Variants in GSTM1 observed in about 807,000 individuals in gnomAD.
GSTM1 encodes glutathione S-transferase mu 1, also known as GST HB subunit 4.
Under a neutral mutation model 17.3 loss-of-function variants are expected in GSTM1, and 6 were observed. The observed-to-expected ratio is 0.35, with a 90% confidence interval of 0.19 to 0.68. The LOEUF is 0.68. GSTM1 is among the 30% of genes least tolerant of loss of function. GSTM1 has a pLI of 0.65. For synonymous variants in GSTM1, 20 were observed against 53.6 expected (o/e 0.37, Z 2.74); for missense variants, 62 against 155.9 (o/e 0.40, Z 3.21).
rs1648133469 is a variant in GSTM1, at chr1:109,692,915, G to A, written c.568-291G>A. Among the ~76,000 whole-genome samples the A allele has an allele frequency of 2.5e-5, 2 of 81,624 alleles. 1 individual carries two copies. Among genetic ancestry groups the A allele is most frequent in the Admixed American group, 2.6e-4 (2 of 7,654 alleles). The allele number at this position is 81,624 out of a possible 152,430, so 53.5% of individuals were successfully genotyped here. ...ATAGATTCAGCCTTGCAGAGCAGTC[G>A]AGTGGGTTTTCTAAGCTTACGTTGT... is the stretch of plus-strand genomic sequence containing the variant. On this transcript the variant is annotated intron_variant, in intron 7 of 7. Transcript: ENST00000309851.
chr1:109,688,031 A>C, intron 1 of GSTM1, 122 bp downstream of exon 1: 1 of 741,118 alleles, frequency 1.3e-6, no homozygotes, highest in Middle Eastern at 4.4e-4. Flanking sequence ...GGGCCTGTGC[A>C]TGCCGCTGTG....
chr1:109,689,704 C>T (rs1290491892), intron 5 of GSTM1, among the ~76,000 whole-genome samples: 1 of 78,590 alleles, frequency 1.3e-5, no homozygotes, highest in Non-Finnish European at 3.2e-5. Flanking sequence ...ATGGCACCCT[C>T]GAATTGCATC....
intron 7 of GSTM1, among the ~76,000 whole-genome samples, chr1:109,691,222 ATTCTTTTTTTTTTTT>A (rs1451598672): frequency 2.7e-5 from 1 of 37,224 alleles, no homozygotes; most frequent in African/African-American, 7.8e-5. Flanking sequence ...CTCCACCTCT[ATTCTTTTTTTTTTTT>A]TTTTTTTTTT....
In GSTM1 at chr1:109,690,333, T is replaced by A. The variant is rs778632616; in HGVS notation, c.423T>A (p.Phe141Leu). ...LPEKLKLYSEFLGKRPWFAGN... is the reference protein window; with the variant it reads ...LPEKLKLYSELLGKRPWFAGN... ...AAAAGCTAAAGCTCTACTCAGAGTTTCTGGGGAAGCGGCCATGGTTTGCAG... is the reference window on the plus strand; with the variant it reads ...AAAAGCTAAAGCTCTACTCAGAGTTACTGGGGAAGCGGCCATGGTTTGCAG... The change falls in exon 6 of 8, where the codon TTT becomes TTA. Residue 141 changes from phenylalanine to leucine, a missense_variant. Coordinates refer to ENST00000309851, the MANE Select transcript of GSTM1 (RefSeq NM_000561.4). 3.8e-6 allele frequency: 3 copies of A among 797,800 alleles called. 1 individual carries two copies. The South Asian group carries it at 5.5e-5, about 15-fold the overall frequency. The allele number at this position is 797,800 out of a possible 1,614,324, so 49.4% of individuals were successfully genotyped here.
chr1:109,688,997 C>G, intron 3 of GSTM1, 51 bp from the exon 4 acceptor site: 1 of 735,718 alleles, frequency 1.4e-6, no homozygotes, highest in African/African-American at 1.9e-5. Flanking sequence ...GAAGGGGATG[C>G]TGGGGAGCCT....
Position 109,687,830 on chromosome 1 carries a change from TG to T in GSTM1, c.-43del. ...TCCGGAGCTCTTATACTCTGAGCCC[TG>T]CTCGGTTTAGGCCTGTCTGCGGAAT... is the stretch of plus-strand genomic sequence containing the variant. On this transcript the variant is annotated 5_prime_UTR_variant, in exon 1 of 8. Coordinates refer to ENST00000309851, the MANE Select transcript of GSTM1 (RefSeq NM_000561.4). 1 of 721,108 alleles carries T rather than the reference TG, an allele frequency of 1.4e-6. No homozygotes were observed. The highest frequency in any genetic ancestry group is 1.9e-5 in the African/African-American group (1 of 52,088). The allele number at this position is 721,108 out of a possible 1,614,324, so 44.7% of individuals were successfully genotyped here.
Position 109,687,884 on chromosome 1 carries a change from T to C in GSTM1, c.11T>C (p.Ile4Thr), listed in dbSNP as rs756993138. Residue 4 changes from isoleucine to threonine, a missense_variant, in exon 1 of 8, where the codon ATA (isoleucine) becomes ACA (threonine). Physicochemically the swap from Ile to Thr is moderately conservative, Grantham distance 89. Transcript: ENST00000309851. MPM[I>T]LGYWDIRGLA... The stretch of plus-strand genomic sequence containing the variant: ...GCACCAACCAGCACCATGCCCATGA[T>C]ACTGGGGTACTGGGACATCCGCGGG... 19 of 793,706 alleles carry C rather than the reference T, an allele frequency of 2.4e-5. 4 individuals are homozygous for C. The African/African-American group carries it at 3.4e-4, about 14-fold the overall frequency. 49.2% of individuals were successfully genotyped at this position (793,706 alleles called of 1,614,324 possible).
rs1249584322 is a variant in GSTM1 at position 109,689,288 on chromosome 1, A to G, written c.323A>G (p.His108Arg). ...DILENQTMDN[H>R]MQLGMICYNP... Reference sequence around the variant, plus strand: ...TTGGAGAACCAGACCATGGACAACCATATGCAGCTGGGCATGATCTGCTAC... The same window carrying G: ...TTGGAGAACCAGACCATGGACAACCGTATGCAGCTGGGCATGATCTGCTAC... The change falls in exon 5 of 8, where the codon CAT (histidine) becomes CGT (arginine). Residue 108 changes from histidine to arginine, a missense_variant. Transcript: ENST00000309851. 1 of 792,648 alleles carries G rather than the reference A, an allele frequency of 1.3e-6. No individual in the cohort carries two copies. The highest frequency in any genetic ancestry group is 1.8e-6 in the Non-Finnish European group (1 of 549,624). 49.1% of individuals were successfully genotyped at this position (792,648 alleles called of 1,614,324 possible). A position where few individuals can be genotyped will look rare whatever the true frequency, so the allele number is the denominator to read the frequency against.
rs375473458 is a variant in GSTM1, at chr1:109,690,250, G to A, written c.361-21G>A. 9.6e-5 allele frequency: 73 copies of A among 764,126 alleles called. 20 individuals are homozygous for A. The African/African-American group carries it at 1.4e-3, about 14-fold the overall frequency. The allele number at this position is 764,126 out of a possible 1,614,324, so 47.3% of individuals were successfully genotyped here. A position where few individuals can be genotyped will look rare whatever the true frequency, so the allele number is the denominator to read the frequency against. ...CAGGGAGCTTTTGTCCGAGGGTGGT[G>A]ACAGCTGTTTTCTGCCTCAGGAGAA... On this transcript the variant is annotated intron_variant, in intron 5 of 7. Coordinates refer to ENST00000309851, the MANE Select transcript of GSTM1 (RefSeq NM_000561.4).
chr1:109,688,970 T>C (rs737497), intron 3 of GSTM1, 78 bp from the exon 4 acceptor site: 223,627 of 640,866 alleles, frequency 0.35, 96,468 homozygotes, highest in East Asian at 0.68. Flanking sequence ...CGGTCTCCTC[T>C]CTGCTCTTGC....
Position 109,688,340 on chromosome 1 carries a change from C to T in GSTM1, c.112+95C>T. On this transcript the variant is annotated intron_variant, in intron 2 of 7. Transcript: ENST00000309851. ...ACCTGTGGCTGCCTCTGCAGGCCTCCCCTGCTGGAGCTGCAGGCTGTCTCT... is the reference window on the plus strand; with the variant it reads ...ACCTGTGGCTGCCTCTGCAGGCCTCTCCTGCTGGAGCTGCAGGCTGTCTCT... 2 of 655,854 alleles carry T rather than the reference C, an allele frequency of 3.0e-6. 1 individual carries two copies. 40.6% of individuals were successfully genotyped at this position (655,854 alleles called of 1,614,324 possible).
At chr1:109,691,444 G>T (rs1241287292) in intron 7 of GSTM1, among the ~76,000 whole-genome samples, 1 of 78,344 alleles carries the variant, frequency 1.3e-5, no homozygotes, top group South Asian at 3.9e-4. Context: ...TGTTGGTCAG[G>T]CTGGTCTCGA....
chr1:109,689,513 T>C (rs530530484), intron 5 of GSTM1, among the ~76,000 whole-genome samples, 188 bp downstream of exon 5: 1 of 79,696 alleles, frequency 1.3e-5, no homozygotes, highest in African/African-American at 3.6e-5. Context: ...CCACCAACCT[T>C]AGGACACGAT....
chr1:109,690,406 T>G (rs968620250), intron 6 of GSTM1, 40 bp downstream of exon 6: 1 of 779,480 alleles, frequency 1.3e-6, no homozygotes, highest in African/African-American at 1.9e-5. Flanking sequence ...TCTGTTTTGC[T>G]TCACGTGTTA....
chr1:109,690,306 T>C lies in GSTM1; in HGVS notation c.396T>C (p.Pro132=), dbSNP rs112028309. Residue 132 remains proline (P), a synonymous_variant, in exon 6 of 8, where the codon CCT becomes CCC. Coordinates refer to ENST00000309851, the MANE Select transcript of GSTM1 (RefSeq NM_000561.4). ...AGCCAAAGTACTTGGAGGAACTCCC[T>C]GAAAAGCTAAAGCTCTACTCAGAGT... is the stretch of plus-strand genomic sequence containing the variant. The part of the protein sequence containing the change: ...KLKPKYLEEL[P]EKLKLYSEFL... 7.5e-5 allele frequency: 60 copies of C among 797,520 alleles called. 19 individuals carry two copies. In the African/African-American group the frequency reaches 8.4e-4, roughly 11 times the overall value. The allele number at this position is 797,520 out of a possible 1,614,324, so 49.4% of individuals were successfully genotyped here.
chr1:109,690,152 C>G lies in GSTM1; in HGVS notation c.361-119C>G. The stretch of plus-strand genomic sequence containing the variant: ...TGAAGCCTGGGCACTGCCCCAGTTC[C>G]AGCTTGGGGAAGATGGCTGCTTGCC... On this transcript the variant is annotated intron_variant, in intron 5 of 7. Transcript: ENST00000309851. 5.2e-6 allele frequency: 2 copies of G among 381,886 alleles called. 1 individual carries two copies. Among genetic ancestry groups the G allele is most frequent in the Non-Finnish European group, 1.0e-5 (2 of 196,824 alleles). 23.7% of individuals were successfully genotyped at this position (381,886 alleles called of 1,614,324 possible).
intron 7 of GSTM1, among the ~76,000 whole-genome samples, chr1:109,691,555 G>C (rs1648099156): frequency 1.2e-5 from 1 of 80,254 alleles, no homozygotes; most frequent in African/African-American, 3.5e-5. Context: ...AGTGTTCCAC[G>C]TGTTCCCCCT....
Position 109,692,420 on chromosome 1 carries a change from C to G in GSTM1, c.568-786C>G. On this transcript the variant is annotated intron_variant, in intron 7 of 7. Coordinates refer to ENST00000309851, the MANE Select transcript of GSTM1 (RefSeq NM_000561.4). ...ACAGCACATCTGAGTATCATGTAGC[C>G]TGATCTGCAGCAGGGCTGGAGATGC... Among the ~76,000 whole-genome samples the G allele has an allele frequency of 2.5e-5, 2 of 79,606 alleles. 1 individual carries two copies. The highest frequency in any genetic ancestry group is 2.7e-4 in the Admixed American group (2 of 7,378). The allele number at this position is 79,606 out of a possible 152,430, so 52.2% of individuals were successfully genotyped here.
In GSTM1 at chr1:109,692,660, C is replaced by T. The variant is rs577392170; in HGVS notation, c.568-546C>T. ...GGAGGTCCCTTCTGTGTCTCTATACCCAGACAAGCCAAGAGCCTCCCTGTG... is the reference window on the plus strand; with the variant it reads ...GGAGGTCCCTTCTGTGTCTCTATACTCAGACAAGCCAAGAGCCTCCCTGTG... On this transcript the variant is annotated intron_variant, in intron 7 of 7. Transcript: ENST00000309851. 8.1e-3 allele frequency among the ~76,000 whole-genome samples: 624 copies of T among 77,436 alleles called. 179 individuals carry two copies. Among genetic ancestry groups the T allele is most frequent in the African/African-American group, 0.021 (581 of 27,176 alleles). The allele number at this position is 77,436 out of a possible 152,430, so 50.8% of individuals were successfully genotyped here.
Sources: gnomAD v4.1 joint callset for allele counts (sites outside exome capture counted in the v4.1 genomes callset) on GRCh38, gnomAD v4.1.1 for gene constraint, MANE v1.5 for transcripts, NCBI Gene and HGNC (gene_info 2026-07-23, HGNC 2026-07-21) for gene names.